HBS1L: variants seen among roughly 807,000 people sequenced by gnomAD.
The protein encoded by HBS1L is HBS1 like translational GTPase.
In HBS1L, 55 loss-of-function variants were observed where a neutral mutation model predicts 88.9. That is an observed-to-expected ratio of 0.62 (90% CI 0.50 to 0.77). The LOEUF is 0.77. Ranked by LOEUF, HBS1L falls within the 30% of genes least tolerant of loss-of-function variation. The probability of loss-of-function intolerance (pLI) is 0.00; values close to 1 mark genes in which losing one functional copy is unlikely to be tolerated. For missense variants in HBS1L, 741 were observed against 829.3 expected (o/e 0.89, Z 1.31); for synonymous variants, 267 against 288.5 (o/e 0.93, Z 0.76).
chr6:135,017,389 C>T (rs1462571782), intron 4 of HBS1L, among the ~76,000 whole-genome samples: 1 of 152,096 alleles, frequency 6.6e-6, no homozygotes, highest in Non-Finnish European at 1.5e-5. Context: ...TTTCTTTCTT[C>T]ACATAAAATC....
chr6:135,032,319 C>A (rs1776411470), intron 4 of HBS1L, among the ~76,000 whole-genome samples: 2 of 150,840 alleles, frequency 1.3e-5, no homozygotes, highest in African/African-American at 4.8e-5. Flanking sequence ...TTCAATGTAG[C>A]TTTTACAAAA....
intron 17 of HBS1L, among the ~76,000 whole-genome samples, chr6:134,966,082 T>G (rs1484682512): frequency 2.0e-5 from 3 of 152,080 alleles, no homozygotes; most frequent in Non-Finnish European, 2.9e-5. Flanking sequence ...TAATATAAAT[T>G]CTAATTTCTT....
chr6:135,021,684 A>G (rs945664610), intron 4 of HBS1L, among the ~76,000 whole-genome samples: 27 of 152,316 alleles, frequency 1.8e-4, no homozygotes, highest in African/African-American at 5.8e-4. Context: ...ACTGTTACAG[A>G]ATAAAAGTTT....
chr6:134,986,022 A>T (rs369938664), intron 11 of HBS1L, 44 bp downstream of exon 11: 10 of 817,514 alleles, frequency 1.2e-5, no homozygotes, highest in Non-Finnish European at 1.9e-5. Context: ...AATAATTAAT[A>T]CCAAGTTTAT....
At chr6:134,998,301 A>C (rs1240618458) in intron 5 of HBS1L, among the ~76,000 whole-genome samples, 1 of 152,240 alleles carries the variant, frequency 6.6e-6, no homozygotes, top group Non-Finnish European at 1.5e-5. Context: ...AGGAACTCAG[A>C]TATATAAAGG....
chr6:134,966,270 T>C, intron 17 of HBS1L, 59 bp downstream of exon 17: 2 of 1,423,980 alleles, frequency 1.4e-6, no homozygotes, highest in South Asian at 2.7e-5. Context: ...TCCTAAAAGG[T>C]AAAAAAGAAA....
At chr6:135,008,311 A>T (rs926737156) in intron 4 of HBS1L, among the ~76,000 whole-genome samples, 1 of 152,254 alleles carries the variant, frequency 6.6e-6, no homozygotes, top group South Asian at 2.1e-4. Context: ...GATCAAGTCT[A>T]ATCTTATTTT....
intron 4 of HBS1L, among the ~76,000 whole-genome samples, chr6:135,014,851 C>CAAAAAAAAAAAAAAAAA (rs57153800): frequency 1.2e-5 from 1 of 85,380 alleles, no homozygotes; most frequent in Non-Finnish European, 2.2e-5. Flanking sequence ...ACTGTCTCTA[C>CAAAAAAAAAAAAAAAAA]AAAAAAAAAA....
intron 1 of HBS1L, among the ~76,000 whole-genome samples, chr6:135,051,872 T>C (rs1426672504): frequency 2.6e-5 from 4 of 152,238 alleles, no homozygotes; most frequent in Admixed American, 6.5e-5. Context: ...AACTGTGGTA[T>C]AACAGTGAAC....
At chr6:135,014,038 G>T (rs6923765) in intron 4 of HBS1L, among the ~76,000 whole-genome samples, 2 of 151,976 alleles carry the variant, frequency 1.3e-5, no homozygotes, top group East Asian at 3.9e-4. Flanking sequence ...CGAAACCCAA[G>T]GAAACAAGGG....
At chr6:135,008,304 C>G (rs1462197529) in intron 4 of HBS1L, among the ~76,000 whole-genome samples, 3 of 152,212 alleles carry the variant, frequency 2.0e-5, no homozygotes, top group Non-Finnish European at 4.4e-5. Flanking sequence ...CCCAACTGAT[C>G]AAGTCTAATC....
At chr6:135,016,682 T>C (rs1735380098) in intron 4 of HBS1L, among the ~76,000 whole-genome samples, 1 of 152,230 alleles carries the variant, frequency 6.6e-6, no homozygotes, top group African/African-American at 2.4e-5. Flanking sequence ...TATACTGTTT[T>C]CTGTCTATAT....
rs1375398825 is a variant in HBS1L at position 135,036,384 on chromosome 6, A to G, written c.430+3189T>C. On this transcript the variant is annotated intron_variant, in intron 4 of 17. Coordinates refer to ENST00000367837, the MANE Select transcript of HBS1L (RefSeq NM_006620.4). ...CTTAAATAAAGCCAGTTATCACTGA[A>G]AGAAGACATAGTTAAAAAAAAAATC... 4 of 1,299,248 alleles carry G rather than the reference A, an allele frequency of 3.1e-6. No homozygotes were observed. The African/African-American group carries it at 6.1e-5, about 20-fold the overall frequency. 80.5% of individuals were successfully genotyped at this position (1,299,248 alleles called of 1,614,324 possible).
At chr6:135,052,004 C>T (rs1279390997) in intron 1 of HBS1L, among the ~76,000 whole-genome samples, 4 of 152,154 alleles carry the variant, frequency 2.6e-5, no homozygotes, top group Non-Finnish European at 5.9e-5. Context: ...GGAACACACA[C>T]ATGAATGACA....
chr6:135,042,770 G>T (rs556871725), intron 2 of HBS1L, among the ~76,000 whole-genome samples: 3 of 148,744 alleles, frequency 2.0e-5, no homozygotes, highest in African/African-American at 7.5e-5. Flanking sequence ...CCGAGATCAC[G>T]CCATTGCACT....
intron 2 of HBS1L, among the ~76,000 whole-genome samples, chr6:135,048,575 C>G (rs1776984588): frequency 6.6e-6 from 1 of 152,192 alleles, no homozygotes; most frequent in Non-Finnish European, 1.5e-5. Flanking sequence ...CCTCCATCAG[C>G]TTCTAAAAGG....
intron 4 of HBS1L, among the ~76,000 whole-genome samples, chr6:135,018,563 A>G (rs1775986306): frequency 6.6e-6 from 1 of 152,020 alleles, no homozygotes; most frequent in East Asian, 1.9e-4. Context: ...AATCTAATAC[A>G]TGCAATGAAT....
intron 4 of HBS1L, among the ~76,000 whole-genome samples, chr6:135,014,997 T>C (rs774472768): frequency 6.6e-6 from 1 of 152,060 alleles, no homozygotes; most frequent in Non-Finnish European, 1.5e-5. Flanking sequence ...ATCATGCCAC[T>C]GTACTCCACC....
intron 1 of HBS1L, 72 bp downstream of exon 1, chr6:135,054,577 A>AGT: frequency 6.5e-7 from 1 of 1,548,892 alleles, no homozygotes; most frequent in Non-Finnish European, 8.9e-7. Context: ...CACAGATTGA[A>AGT]GTGGATGCCA....
Sources: allele counts gnomAD v4.1 joint callset (sites outside exome capture counted in the v4.1 genomes callset), GRCh38; gene constraint gnomAD v4.1.1; transcripts MANE v1.5; gene names NCBI Gene and HGNC (gene_info 2026-07-23, HGNC 2026-07-21).